CATSPER2: variants seen among roughly 807,000 people sequenced by gnomAD.
CATSPER2 encodes cation channel sperm-associated protein 2.
In CATSPER2, 56 loss-of-function variants were observed where a neutral mutation model predicts 68.8. That is an observed-to-expected ratio of 0.81 (90% CI 0.66 to 1.02). CATSPER2 has a LOEUF of 1.02. Ranked by LOEUF, CATSPER2 falls within the 50% of genes least tolerant of loss-of-function variation. The pLI, the probability that CATSPER2 is intolerant of heterozygous loss-of-function variation, is 0.00. For synonymous variants in CATSPER2, 198 were observed against 229.9 expected (o/e 0.86, Z 1.26); for missense variants, 582 against 642.0 (o/e 0.91, Z 1.01).
At position 43,632,572 on chromosome 15, in the gene CATSPER2, G is replaced by A. The variant is rs1409478723; in HGVS notation, c.1396+145C>T. Reference sequence around the variant, plus strand: ...CCCGAAGTGAAGAAGAAGTACAGGGGAAATTAAGAAGCAAAAACAAAGTAA... The same window carrying A: ...CCCGAAGTGAAGAAGAAGTACAGGGAAAATTAAGAAGCAAAAACAAAGTAA... On this transcript the variant is annotated intron_variant, in intron 11 of 12. Transcript: ENST00000396879. 4.6e-6 allele frequency: 7 copies of A among 1,527,592 alleles called. No homozygotes were observed. In the Admixed American group the frequency reaches 1.1e-4, roughly 24 times the overall value. The allele number at this position is 1,527,592 out of a possible 1,614,324, so 94.6% of individuals were successfully genotyped here. A position where few individuals can be genotyped will look rare whatever the true frequency, so the allele number is the denominator to read the frequency against.
At chr15:43,646,915 C>A in intron 4 of CATSPER2, 135 bp downstream of exon 4, 2 of 766,490 alleles carry the variant, frequency 2.6e-6, no homozygotes, top group Non-Finnish European at 2.4e-6. Context: ...CAGGGTTTCA[C>A]CATGTTGCCC....
intron 12 of CATSPER2, among the ~76,000 whole-genome samples, chr15:43,631,740 T>C (rs1055184254): frequency 1.3e-5 from 2 of 151,910 alleles, no homozygotes; most frequent in African/African-American, 4.8e-5. Flanking sequence ...GTTAGGACAG[T>C]GAGCACGTGT....
Position 43,647,429 on chromosome 15 carries a change from G to C in CATSPER2, c.184C>G (p.His62Asp). The C allele has an allele frequency of 1.9e-6, 3 of 1,613,626 alleles. No individual in the cohort carries two copies. Among genetic ancestry groups the C allele is most frequent in the Non-Finnish European group, 2.5e-6 (3 of 1,179,708 alleles). Reference sequence around the variant, plus strand: ...TTTATAGAGAAACGCACTAGCTGGTGTTGATCTCCCAATACAAGTTTCTTC... The same window carrying C: ...TTTATAGAGAAACGCACTAGCTGGTCTTGATCTCCCAATACAAGTTTCTTC... ...RQKKLVLGDQHQLVRFSIKPQ... is the reference protein window; with the variant it reads ...RQKKLVLGDQDQLVRFSIKPQ... The change falls in exon 3 of 13, where the codon CAC becomes GAC. Residue 62 changes from histidine (H) to aspartate (D), a missense_variant. Coordinates refer to ENST00000396879, the MANE Select transcript of CATSPER2 (RefSeq NM_172095.4).
rs778996275 is a variant in CATSPER2, at chr15:43,648,105, G to A, written c.-2-42C>T. 1.6e-5 allele frequency: 26 copies of A among 1,606,264 alleles called. No homozygotes were observed. In the Admixed American group the frequency reaches 3.5e-4, roughly 22 times the overall value. ...AGCATCAAGTGTCATTTCATTCTTG[G>A]AGCTGCACCAAGGATTACAGGTTTT... On this transcript the variant is annotated intron_variant, in intron 1 of 12. Coordinates refer to ENST00000396879, the MANE Select transcript of CATSPER2 (RefSeq NM_172095.4).
intron 4 of CATSPER2, among the ~76,000 whole-genome samples, chr15:43,642,202 C>T (rs930001904): frequency 6.6e-6 from 1 of 151,466 alleles, no homozygotes; most frequent in African/African-American, 2.4e-5. Context: ...TGGGTTCAAG[C>T]GATTCTCCTG....
chr15:43,637,256 T>A (rs1373539794), intron 7 of CATSPER2, among the ~76,000 whole-genome samples: 1 of 151,956 alleles, frequency 6.6e-6, no homozygotes, highest in Non-Finnish European at 1.5e-5. Context: ...TTCCTATTAG[T>A]TTGCTGGTAT....
intron 4 of CATSPER2, among the ~76,000 whole-genome samples, chr15:43,646,416 C>T (rs555078348): frequency 4.3e-4 from 65 of 151,258 alleles, no homozygotes; most frequent in Non-Finnish European, 8.0e-4. Flanking sequence ...CCCACCACCA[C>T]GCCCAGCTAA....
rs569368744 is a variant in CATSPER2 at position 43,631,696 on chromosome 15, A to G, written c.1561+503T>C. 8.9e-4 allele frequency among the ~76,000 whole-genome samples: 136 copies of G among 152,114 alleles called. 5 individuals are homozygous for G. In the South Asian group the frequency reaches 0.022, roughly 24 times the overall value. On this transcript the variant is annotated intron_variant, in intron 12 of 12. Transcript: ENST00000396879. ...CTGACACTAGAAGGGGCAGATACAA[A>G]CAGAAGTTTAGAATTCATAAACCTC...
intron 12 of CATSPER2, 21 bp downstream of exon 12, chr15:43,632,178 A>C: frequency 6.2e-7 from 1 of 1,611,354 alleles, no homozygotes; most frequent in Non-Finnish European, 8.5e-7. Context: ...CATGGTCCCC[A>C]TGACTGCCCT....
At position 43,648,804 on chromosome 15, in the gene CATSPER2, GC is replaced by G; in HGVS notation, c.-179del. Reference sequence around the variant, plus strand: ...AGGTTTCGGCTCACCCCGGGACCCGGCCCTAGCCCCTACCCACAGCCCAGGA... The same window carrying G: ...AGGTTTCGGCTCACCCCGGGACCCGGCCTAGCCCCTACCCACAGCCCAGGA... On this transcript the variant is annotated 5_prime_UTR_variant, in exon 1 of 13. Transcript: ENST00000396879. 6.5e-7 allele frequency: 1 copy of G among 1,531,146 alleles called. No individual in the cohort carries two copies. The highest frequency in any genetic ancestry group is 8.8e-7 in the Non-Finnish European group (1 of 1,142,686). 94.8% of individuals were successfully genotyped at this position (1,531,146 alleles called of 1,614,324 possible).
At chr15:43,645,104 G>T (rs1018735457) in intron 4 of CATSPER2, among the ~76,000 whole-genome samples, 2 of 151,836 alleles carry the variant, frequency 1.3e-5, no homozygotes, top group Non-Finnish European at 2.9e-5. Flanking sequence ...TGTCACCTAG[G>T]CTGGAGTTCC....
At chr15:43,638,599 A>C (rs879850166) in intron 7 of CATSPER2, among the ~76,000 whole-genome samples, 1 of 151,672 alleles carries the variant, frequency 6.6e-6, no homozygotes, top group Non-Finnish European at 1.5e-5. Context: ...CATTTTTCAA[A>C]AGAGGTAACT....
Position 43,648,709 on chromosome 15 carries a change from C to G in CATSPER2, c.-83G>C. 6.7e-7 allele frequency: 1 copy of G among 1,490,106 alleles called. No individual in the cohort carries two copies. Among genetic ancestry groups the G allele is most frequent in the Non-Finnish European group, 8.9e-7 (1 of 1,124,512 alleles). The allele number at this position is 1,490,106 out of a possible 1,614,324, so 92.3% of individuals were successfully genotyped here. A position where few individuals can be genotyped will look rare whatever the true frequency, so the allele number is the denominator to read the frequency against. Reference sequence around the variant, plus strand: ...CTCAGGTGCCCCGAGCCTGGCTACCCCTATGCAAGACGAGCTCAGGGCCGG... The same window carrying G: ...CTCAGGTGCCCCGAGCCTGGCTACCGCTATGCAAGACGAGCTCAGGGCCGG... On this transcript the variant is annotated 5_prime_UTR_variant, in exon 1 of 13. Transcript: ENST00000396879.
intron 2 of CATSPER2, 44 bp downstream of exon 2, chr15:43,647,873 A>G: frequency 6.3e-7 from 1 of 1,599,430 alleles, no homozygotes; most frequent in Non-Finnish European, 8.6e-7. Context: ...GAGGATGTGG[A>G]TAGGAGTCTT....
At chr15:43,632,121 G>T in intron 12 of CATSPER2, 78 bp downstream of exon 12, 4 of 1,473,006 alleles carry the variant, frequency 2.7e-6, no homozygotes, top group Non-Finnish European at 2.8e-6. Flanking sequence ...CAGAATAGTG[G>T]ACACCCTCCT....
At position 43,629,948 on chromosome 15, in the gene CATSPER2, G is replaced by A. The variant is rs1595967658; in HGVS notation, c.*753C>T. On this transcript the variant is annotated 3_prime_UTR_variant, in exon 13 of 13. Coordinates refer to ENST00000396879, the MANE Select transcript of CATSPER2 (RefSeq NM_172095.4). Reference sequence around the variant, plus strand: ...GAAGATCTCCTTACTCCACAGAGGGGCCTTTACCTATGCATCAGGGAGGGA... The same window carrying A: ...GAAGATCTCCTTACTCCACAGAGGGACCTTTACCTATGCATCAGGGAGGGA... 6.6e-6 allele frequency: 1 copy of A among 151,798 alleles called. No homozygotes were observed. Among genetic ancestry groups the A allele is most frequent in the Non-Finnish European group, 1.5e-5 (1 of 67,978 alleles). The allele number at this position is 151,798 out of a possible 1,614,324, so 9.4% of individuals were successfully genotyped here. A position where few individuals can be genotyped will look rare whatever the true frequency, so the allele number is the denominator to read the frequency against.
At chr15:43,648,193 T>C in intron 1 of CATSPER2, 130 bp from the exon 2 acceptor site, 1 of 1,087,330 alleles carries the variant, frequency 9.2e-7, no homozygotes, top group Middle Eastern at 2.7e-4. Flanking sequence ...ATCTACGAAC[T>C]AGGAGCAGTT....
At position 43,639,664 on chromosome 15, in the gene CATSPER2, C is replaced by G. The variant is rs1223178839; in HGVS notation, c.696G>C (p.Leu232Phe). ...TCACCTTGAGGGCCCTGACCAGGAC[C>G]AAAATAATAATTTGAATTTGACGGA... ...AQFRQIQIII[L>F]VLVRALKSMT... Residue 232 changes from leucine (L) to phenylalanine (F), a missense_variant, in exon 6 of 13, where the codon TTG (leucine) becomes TTC (phenylalanine). By Grantham distance (22) the Leu-to-Phe change is conservative (BLOSUM62 0). Transcript: ENST00000396879. 7 of 1,613,016 alleles carry G rather than the reference C, an allele frequency of 4.3e-6. No homozygotes were observed. The highest frequency in any genetic ancestry group is 5.1e-6 in the Non-Finnish European group (6 of 1,179,566).
chr15:43,641,626 G>C (rs565505664), intron 4 of CATSPER2, among the ~76,000 whole-genome samples: 1 of 151,966 alleles, frequency 6.6e-6, no homozygotes, highest in East Asian at 1.9e-4. Flanking sequence ...CAGACAAAAA[G>C]AACAGAACAA....
Sources: gnomAD v4.1 joint callset for allele counts (sites outside exome capture counted in the v4.1 genomes callset) on GRCh38, gnomAD v4.1.1 for gene constraint, MANE v1.5 for transcripts, NCBI Gene and HGNC (gene_info 2026-07-23, HGNC 2026-07-21) for gene names.